The following TENM4 variants were observed in gnomAD, a reference collection of about 807,000 sequenced individuals.
TENM4 encodes the protein teneurin transmembrane protein 4, also known as teneurin-4.
A neutral mutation model predicts 243.3 loss-of-function variants in TENM4; 82 were observed. The observed-to-expected ratio is 0.34, with a 90% CI of 0.28 to 0.40. TENM4 has a LOEUF of 0.40. TENM4 is among the 10% of genes least tolerant of loss of function. TENM4 has a pLI of 1.00. For missense variants in TENM4, 3,138 were observed against 3,673.3 expected, an observed-to-expected ratio of 0.85 and a Z score of 3.77; for synonymous variants, 1,412 against 1,456.3, an observed-to-expected ratio of 0.97 and a Z score of 0.69.
intron 1 of TENM4, among the ~76,000 whole-genome samples, chr11:79,338,250 C>T (rs958446738): frequency 3.3e-5 from 5 of 152,236 alleles, no homozygotes; most frequent in Non-Finnish European, 7.3e-5. Context: ...TGCATGTCCT[C>T]ACCTATAGAC....
At chr11:78,722,613 A>G (rs1351018088) in intron 24 of TENM4, 55 bp downstream of exon 24, 8 of 1,576,120 alleles carry the variant, frequency 5.1e-6, no homozygotes, top group Middle Eastern at 1.7e-4. Flanking sequence ...GCGGGGCCCA[A>G]AGGATGGCAA....
intron 1 of TENM4, among the ~76,000 whole-genome samples, chr11:79,332,999 A>G (rs1487498894): frequency 6.6e-6 from 1 of 152,182 alleles, no homozygotes; most frequent in East Asian, 1.9e-4. Flanking sequence ...TGAATATAGC[A>G]GGGGAACAAG....
rs11237771 is a variant in TENM4, at chr11:79,235,231, T to C, written c.-264-19322A>G. Among the ~76,000 whole-genome samples the C allele has an allele frequency of 4.3e-4, 66 of 152,240 alleles. No individual in the cohort carries two copies. In the East Asian group the frequency reaches 0.012, roughly 27 times the overall value. On this transcript the variant is annotated intron_variant, in intron 2 of 33. Coordinates refer to ENST00000278550, the MANE Select transcript of TENM4 (RefSeq NM_001098816.3). ...GGGAGGCTGAGGCAGGAGAATCGCT[T>C]GAACCTGGGAGGCAGAGGTTGCAGT...
chr11:78,868,237 A>G (rs758429103), intron 9 of TENM4, among the ~76,000 whole-genome samples: 2 of 151,956 alleles, frequency 1.3e-5, no homozygotes, highest in African/African-American at 2.4e-5. Context: ...AGGATTCTCT[A>G]TATGATACTC....
At chr11:78,663,878 CTTTG>C (rs1312374664) in intron 32 of TENM4, among the ~76,000 whole-genome samples, 2 of 152,106 alleles carry the variant, frequency 1.3e-5, no homozygotes, top group East Asian at 1.9e-4. Context: ...TCGTGTTTGC[CTTTG>C]TTTTTGTTTT....
chr11:78,998,434 G>A (rs1031913668), intron 6 of TENM4, among the ~76,000 whole-genome samples: 21 of 152,324 alleles, frequency 1.4e-4, no homozygotes, highest in African/African-American at 4.8e-4. Context: ...GGCCAAATGA[G>A]GAGGTTGACA....
intron 16 of TENM4, among the ~76,000 whole-genome samples, chr11:78,779,592 A>C (rs1856803107): frequency 6.6e-6 from 1 of 152,144 alleles, no homozygotes; most frequent in Non-Finnish European, 1.5e-5. Flanking sequence ...ATACCATTTC[A>C]CCTGCCCTCC....
intron 4 of TENM4, among the ~76,000 whole-genome samples, chr11:79,127,247 C>T (rs533305908): frequency 6.6e-6 from 1 of 152,304 alleles, no homozygotes; most frequent in South Asian, 2.1e-4. Flanking sequence ...AAATAATATC[C>T]ATCCCTGCAG....
chr11:78,751,691 A>T (rs1439463651), intron 19 of TENM4, among the ~76,000 whole-genome samples: 4 of 152,180 alleles, frequency 2.6e-5, no homozygotes, highest in African/African-American at 9.7e-5. Flanking sequence ...CAGCCCTTTC[A>T]GTCAGAGGAG....
intron 16 of TENM4, 139 bp downstream of exon 16, chr11:78,786,759 G>T: frequency 8.1e-7 from 1 of 1,237,820 alleles, no homozygotes; most frequent in Non-Finnish European, 1.1e-6. Flanking sequence ...GGAAATGCCA[G>T]TCATAATACC....
intron 4 of TENM4, chr11:79,093,640 A>G (rs1366498841): frequency 6.6e-6 from 1 of 152,284 alleles, no homozygotes; most frequent in Non-Finnish European, 1.5e-5. Flanking sequence ...AGTGGGAACA[A>G]AGGAGGGGGA....
At chr11:79,220,673 C>A (rs1030403193) in intron 2 of TENM4, among the ~76,000 whole-genome samples, 3 of 152,190 alleles carry the variant, frequency 2.0e-5, no homozygotes, top group Admixed American at 1.3e-4. Context: ...CAAGCTATTC[C>A]TGTCCTTCAG....
chr11:79,272,125 CTCCCACA>C (rs1339300742), intron 2 of TENM4, among the ~76,000 whole-genome samples: 2 of 152,098 alleles, frequency 1.3e-5, no homozygotes, highest in African/African-American at 4.8e-5. Flanking sequence ...CTTTTTCCAC[CTCCCACA>C]TCCCACCTCC....
intron 17 of TENM4, among the ~76,000 whole-genome samples, chr11:78,773,415 C>T (rs1024427062): frequency 1.3e-5 from 2 of 152,158 alleles, no homozygotes; most frequent in Admixed American, 6.6e-5. Context: ...GCCTGGCATA[C>T]AGCTCAAAGA....
At chr11:79,114,542 C>G (rs1047956897) in intron 4 of TENM4, among the ~76,000 whole-genome samples, 2 of 152,172 alleles carry the variant, frequency 1.3e-5, no homozygotes, top group South Asian at 4.1e-4. Context: ...TATTTACAGC[C>G]TGCTAAGATC....
chr11:79,290,906 C>T (rs182068635), intron 2 of TENM4, among the ~76,000 whole-genome samples: 2 of 152,256 alleles, frequency 1.3e-5, no homozygotes, highest in African/African-American at 4.8e-5. Flanking sequence ...ACATCCTGCT[C>T]ATTTAGAGCT....
chr11:78,697,082 T>C (rs1010676885), intron 28 of TENM4, among the ~76,000 whole-genome samples: 1 of 152,184 alleles, frequency 6.6e-6, no homozygotes, highest in African/African-American at 2.4e-5. Context: ...GGACACTTTC[T>C]TCTTAAATCT....
intron 11 of TENM4, 25 bp downstream of exon 11, chr11:78,855,939 A>G (rs1858670483): frequency 1.3e-6 from 2 of 1,549,104 alleles, no homozygotes; most frequent in South Asian, 2.4e-5. Context: ...ATGCAGATCA[A>G]CAGGGTATGT....
chr11:78,884,823 T>C (rs1855515894), intron 9 of TENM4, among the ~76,000 whole-genome samples: 1 of 152,200 alleles, frequency 6.6e-6, no homozygotes, highest in African/African-American at 2.4e-5. Flanking sequence ...GGGAGGATCA[T>C]AGCCCTAACA....
Sources: allele counts gnomAD v4.1 joint callset (sites outside exome capture counted in the v4.1 genomes callset), GRCh38; gene constraint gnomAD v4.1.1; transcripts MANE v1.5; gene names NCBI Gene and HGNC (gene_info 2026-07-23, HGNC 2026-07-21).